DTX3: variants seen among roughly 807,000 people sequenced by gnomAD.
The protein encoded by DTX3 is E3 ubiquitin-protein ligase DTX3.
Under a neutral mutation model 27.4 loss-of-function variants are expected in DTX3, and 10 were observed. That is an observed-to-expected ratio of 0.36 (90% CI 0.22 to 0.62). The LOEUF is 0.62. Ranked by LOEUF, DTX3 falls within the 20% of genes least tolerant of loss-of-function variation. The pLI is 0.68. For synonymous variants in DTX3, 171 were observed against 190.7 expected (o/e 0.90, Z 0.85); for missense variants, 319 against 463.8 (o/e 0.69, Z 2.87).
At chr12:57,604,939 C>T (rs71461330) in intron 1 of DTX3, 81 bp downstream of exon 1, 25,734 of 151,850 alleles carry the variant, frequency 0.17, 2,685 homozygotes, top group Non-Finnish European at 0.23. Context: ...CCCGCTCCCC[C>T]GGCGCCCCCT....
chr12:57,606,793 C>T (rs962608468), intron 4 of DTX3, 72 bp from the exon 5 acceptor site: 3 of 1,524,688 alleles, frequency 2.0e-6, no homozygotes, highest in Non-Finnish European at 2.6e-6. Context: ...TTGGAAGGAA[C>T]CTGAAGTAGG....
In DTX3 at chr12:57,607,411, C is replaced by T. The variant is rs866633834; in HGVS notation, c.548C>T (p.Ser183Leu). The T allele has an allele frequency of 6.2e-7, 1 of 1,613,978 alleles. No homozygotes were observed. The highest frequency in any genetic ancestry group is 8.5e-7 in the Non-Finnish European group (1 of 1,179,912). The change falls in exon 5 of 7, where the codon TCA (serine) becomes TTA (leucine). Residue 183 changes from serine (S) to leucine (L), a missense_variant. By Grantham distance (145) the Ser-to-Leu change is moderately radical. This residue lies in a region of DTX3 where 117 missense variants were observed against 258.5 expected (regional missense o/e 0.45). Coordinates refer to ENST00000337737, the MANE Select transcript of DTX3 (RefSeq NM_178502.4). The surrounding 1 kb of genome is among the most constrained non-coding windows in gnomAD (Gnocchi z 7.7). ...NAKTLEKCRH[S>L]FCEGCITRAL... ...AAGACATTGGAGAAGTGCCGGCATTCATTCTGCGAGGGCTGCATCACCCGG... is the reference window on the plus strand; with the variant it reads ...AAGACATTGGAGAAGTGCCGGCATTTATTCTGCGAGGGCTGCATCACCCGG...
At position 57,609,224 on chromosome 12, in the gene DTX3, C is replaced by G. The variant is rs1437684282; in HGVS notation, c.*72C>G. 7.3e-7 allele frequency: 1 copy of G among 1,376,926 alleles called. No homozygotes were observed. The highest frequency in any genetic ancestry group is 1.0e-6 in the Non-Finnish European group (1 of 974,192). 85.3% of individuals were successfully genotyped at this position (1,376,926 alleles called of 1,614,324 possible). On this transcript the variant is annotated 3_prime_UTR_variant, in exon 7 of 7. Transcript: ENST00000337737. ...CCCAGCAGAAGCCTCTTTCTCCTCTCTGCCCCCTGCCCCCCACACCACACC... is the reference window on the plus strand; with the variant it reads ...CCCAGCAGAAGCCTCTTTCTCCTCTGTGCCCCCTGCCCCCCACACCACACC...
intron 3 of DTX3, 35 bp downstream of exon 3, chr12:57,606,287 C>G: frequency 1.7e-6 from 1 of 587,120 alleles, no homozygotes; most frequent in East Asian, 3.1e-5. Flanking sequence ...AATTTTCACC[C>G]TTAAACTGGT....
chr12:57,606,982 T>A lies in DTX3; in HGVS notation c.119T>A (p.Leu40His). 1.2e-6 allele frequency: 2 copies of A among 1,614,204 alleles called. No individual in the cohort carries two copies. The highest frequency in any genetic ancestry group is 1.7e-6 in the Non-Finnish European group (2 of 1,180,036). The change falls in exon 5 of 7, where the codon CTT becomes CAT. Residue 40 changes from leucine to histidine, a missense_variant. Leu to His is a moderately conservative substitution (Grantham distance 99, BLOSUM62 -3). Transcript: ENST00000337737. ...GAGACCCCAGCCCGGCTGGCCCGGCTTCGGGAGGAGCACCGTGTGTCCATC... is the reference window on the plus strand; with the variant it reads ...GAGACCCCAGCCCGGCTGGCCCGGCATCGGGAGGAGCACCGTGTGTCCATC... ...SKETPARLAR[L>H]REEHRVSILI...
chr12:57,606,690 G>A, intron 4 of DTX3, 172 bp downstream of exon 4: 1 of 1,334,446 alleles, frequency 7.5e-7, no homozygotes, highest in Non-Finnish European at 1.0e-6. Flanking sequence ...GCTCTTCAGT[G>A]GGTTTTGGGT....
Position 57,607,750 on chromosome 12 carries a change from T to G in DTX3, c.750+137T>G, listed in dbSNP as rs1004503996. 5.9e-6 allele frequency: 7 copies of G among 1,191,220 alleles called. No homozygotes were observed. Among genetic ancestry groups the G allele is most frequent in the Non-Finnish European group, 8.4e-6 (7 of 836,682 alleles). The allele number at this position is 1,191,220 out of a possible 1,614,324, so 73.8% of individuals were successfully genotyped here. ...CACTGTGCCCTCCTACTCAGTGCCC[T>G]GGACCTAGGAGGTCCCCGTGAGGCC... On this transcript the variant is annotated intron_variant, in intron 5 of 6. Transcript: ENST00000337737. This position sits in a 1 kb window ranked among gnomAD's most constrained non-coding sequence, Gnocchi z 7.7.
chr12:57,606,144 T>C (rs1051329756), intron 2 of DTX3, 46 bp from the exon 3 acceptor site: 1 of 213,634 alleles, frequency 4.7e-6, no homozygotes, highest in African/African-American at 2.3e-5. Context: ...CTGAGGGGAA[T>C]GGTAACATTT....
intron 4 of DTX3, 84 bp from the exon 5 acceptor site, chr12:57,606,781 G>A (rs568894523): frequency 1.9e-4 from 289 of 1,506,278 alleles, no homozygotes; most frequent in Non-Finnish European, 1.7e-4. Flanking sequence ...GTAATAGAGG[G>A]TTTGGAAGGA....
rs934630710 is a variant in DTX3 at position 57,609,180 on chromosome 12, C to G, written c.*28C>G. 4 of 1,608,086 alleles carry G rather than the reference C, an allele frequency of 2.5e-6. No homozygotes were observed. The Admixed American group carries it at 6.7e-5, about 27-fold the overall frequency. ...GACATCGCCTTTGCCAAGGCCCCTGCTGTCTGCCTCTACTAGGACCCAGCA... is the reference window on the plus strand; with the variant it reads ...GACATCGCCTTTGCCAAGGCCCCTGGTGTCTGCCTCTACTAGGACCCAGCA... On this transcript the variant is annotated 3_prime_UTR_variant, in exon 7 of 7. Transcript: ENST00000337737.
rs376137016 is a variant in DTX3, at chr12:57,609,073, C to G, written c.969-4C>G. ...CCCTCACCCTCATTTCTCTTTGCTC[C>G]CAGGTTTGGGTACCCAGACCCCACC... On this transcript the variant is annotated splice_polypyrimidine_tract_variant and splice_region_variant and intron_variant, in intron 6 of 6. Coordinates refer to ENST00000337737, the MANE Select transcript of DTX3 (RefSeq NM_178502.4). 7 of 1,613,748 alleles carry G rather than the reference C, an allele frequency of 4.3e-6. No individual in the cohort carries two copies. The African/African-American group carries it at 8.0e-5, about 18-fold the overall frequency.
Position 57,608,755 on chromosome 12 carries a change from T to C in DTX3, c.968+18T>C, listed in dbSNP as rs369375593. 64 of 1,612,720 alleles carry C rather than the reference T, an allele frequency of 4.0e-5. No homozygotes were observed. The African/African-American group carries it at 7.7e-4, about 20-fold the overall frequency. On this transcript the variant is annotated intron_variant, in intron 6 of 6. Transcript: ENST00000337737. The surrounding 1 kb of genome is among the most constrained non-coding windows in gnomAD (Gnocchi z 6.1). ...CCCCAGCTGTGCGACCCCTCTTCAT[T>C]TCCTTTCCCTTGGCTCCTCCCCTTT...
In DTX3 at chr12:57,607,282, C is replaced by T. The variant is rs12832061; in HGVS notation, c.419C>T (p.Pro140Leu). 3 of 1,568,508 alleles carry T rather than the reference C, an allele frequency of 1.9e-6. No homozygotes were observed. The South Asian group carries it at 3.5e-5, about 18-fold the overall frequency. Residue 140 changes from proline (P) to leucine (L), a missense_variant, in exon 5 of 7, where the codon CCT becomes CTT. Coordinates refer to ENST00000337737, the MANE Select transcript of DTX3 (RefSeq NM_178502.4). This position sits in a 1 kb window ranked among gnomAD's most constrained non-coding sequence, Gnocchi z 7.7. ...CCCCCAGGAGCTCGGGGGCTCCCCC[C>T]TCCTCCTCCCCCCCTGCCCCCACCT... ...LLPPGARGLP[P>L]PPPPLPPPLP...
chr12:57,606,713 G>A (rs1306829227), intron 4 of DTX3, 152 bp from the exon 5 acceptor site: 9 of 1,364,294 alleles, frequency 6.6e-6, no homozygotes. Flanking sequence ...GGAAGATAAG[G>A]GGAGACAGAA....
In DTX3 at chr12:57,607,104, G is replaced by T. The variant is rs1241419412; in HGVS notation, c.241G>T (p.Ala81Ser). Residue 81 changes from alanine to serine, a missense_variant, in exon 5 of 7, where the codon GCT becomes TCT. Coordinates refer to ENST00000337737, the MANE Select transcript of DTX3 (RefSeq NM_178502.4). This position sits in a 1 kb window ranked among gnomAD's most constrained non-coding sequence, Gnocchi z 7.7. Reference protein sequence around the residue: ...PPNGLYLARKALKGLLKEAEK... With the variant: ...PPNGLYLARKSLKGLLKEAEK... The stretch of plus-strand genomic sequence containing the variant: ...AAATGGGCTCTACCTAGCCCGGAAG[G>T]CTCTCAAGGGGCTGCTAAAAGAGGC... 1 of 1,614,074 alleles carries T rather than the reference G, an allele frequency of 6.2e-7. No homozygotes were observed. Among genetic ancestry groups the T allele is most frequent in the Non-Finnish European group, 8.5e-7 (1 of 1,180,024 alleles).
At position 57,608,579 on chromosome 12, in the gene DTX3, G is replaced by C. The variant is rs368303983; in HGVS notation, c.810G>C (p.Pro270=). ...YPGTTRVAYL[P]DCPEGNKVLT... ...GCACCACACGGGTGGCCTACCTCCC[G>C]GACTGCCCTGAGGGCAACAAGGTGC... Residue 270 remains proline, a synonymous_variant, in exon 6 of 7, where the codon CCG becomes CCC. Transcript: ENST00000337737. This position sits in a 1 kb window ranked among gnomAD's most constrained non-coding sequence, Gnocchi z 6.1. 4.3e-6 allele frequency: 7 copies of C among 1,613,802 alleles called. No homozygotes were observed. The highest frequency in any genetic ancestry group is 1.3e-5 in the African/African-American group (1 of 75,004).
intron 1 of DTX3, chr12:57,605,338 CA>C: frequency 6.6e-6 from 1 of 152,260 alleles, no homozygotes; most frequent in Non-Finnish European, 1.5e-5. Flanking sequence ...TTTTCTGTGC[CA>C]GCAGGACTTG....
rs769412381 is a variant in DTX3, at chr12:57,607,187, G to A, written c.324G>A (p.Leu108=). ...RQGELMGCLA[L]GGGGEHPEMH... is the part of the protein sequence containing the mutation. ...GGGAGCTGATGGGCTGCCTGGCTCT[G>A]GGGGGTGGAGGGGAGCACCCTGAGA... Residue 108 remains leucine (L), a synonymous_variant, in exon 5 of 7, where the codon CTG becomes CTA. Transcript: ENST00000337737. The surrounding 1 kb of genome is among the most constrained non-coding windows in gnomAD (Gnocchi z 7.7). 6.2e-7 allele frequency: 1 copy of A among 1,613,192 alleles called. No individual in the cohort carries two copies. Among genetic ancestry groups the A allele is most frequent in the Non-Finnish European group, 8.5e-7 (1 of 1,179,928 alleles).
chr12:57,609,300 T>G lies in DTX3; in HGVS notation c.*148T>G. The G allele has an allele frequency of 1.4e-6, 1 of 703,538 alleles. No individual in the cohort carries two copies. Among genetic ancestry groups the G allele is most frequent in the Admixed American group, 2.4e-5 (1 of 41,330 alleles). 43.6% of individuals were successfully genotyped at this position (703,538 alleles called of 1,614,324 possible). ...GGGAGTTCCGAGAGGGAGGGGGCAA[T>G]CCCTTCCCCCATCCCCCACTGGCCA... On this transcript the variant is annotated 3_prime_UTR_variant, in exon 7 of 7. Coordinates refer to ENST00000337737, the MANE Select transcript of DTX3 (RefSeq NM_178502.4).
Sources: allele counts gnomAD v4.1 joint callset, GRCh38; gene constraint gnomAD v4.1.1; regional missense constraint gnomAD v4.1.1; non-coding constraint Gnocchi (gnomAD v3.1); transcripts MANE v1.5; gene names NCBI Gene and HGNC (gene_info 2026-07-23, HGNC 2026-07-21).